The following CACNA1H variants were observed in gnomAD, a reference collection of about 807,000 sequenced individuals.
CACNA1H encodes voltage-dependent T-type calcium channel subunit alpha-1H.
A neutral mutation model predicts 192.5 loss-of-function variants in CACNA1H; 149 were observed. The ratio of observed to expected loss-of-function variants is 0.77; its 90% CI spans 0.68 to 0.89. The LOEUF (loss-of-function observed/expected upper bound fraction) is 0.89, where lower values mean the gene tolerates loss of function less well. CACNA1H is among the 40% of genes least tolerant of loss of function. CACNA1H has a pLI of 0.00. For missense variants in CACNA1H, 4,257 were observed against 3,423.5 expected, an observed-to-expected ratio of 1.24 and a Z score of -6.08; for synonymous variants, 2,202 against 1,475.2, an observed-to-expected ratio of 1.49 and a Z score of -11.29.
At chr16:1,209,662 G>C (rs8049569) in intron 17 of CACNA1H, among the ~76,000 whole-genome samples, 1 of 152,216 alleles carries the variant, frequency 6.6e-6, no homozygotes, top group Non-Finnish European at 1.5e-5. Context: ...GCATACGGGG[G>C]CTGGGCTCTG....
At chr16:1,178,234 G>A (rs948863639) in intron 2 of CACNA1H, among the ~76,000 whole-genome samples, 3 of 119,090 alleles carry the variant, frequency 2.5e-5, no homozygotes, top group Admixed American at 9.1e-5. Flanking sequence ...ATCCCCCAAC[G>A]GGCTCTCCTG....
In CACNA1H at chr16:1,220,822, C is replaced by G; in HGVS notation, c.6890C>G (p.Ser2297Ter). ...ACCCCAGAATCCAGAGCTTCCTCTT[C>G]AGGGGCCATAGTGCCCCTGGAACCC... Reference protein sequence around the residue: ...SVTPESRASSSGAIVPLEPPE... With the variant: ...SVTPESRASS The change falls in exon 35 of 35, where the codon TCA becomes TGA. Residue 2297 changes from serine (S) to a stop codon, truncating the protein, a stop_gained. Transcript: ENST00000348261. LOFTEE classifies it low-confidence loss of function (END_TRUNC). 1 of 1,612,816 alleles carries G rather than the reference C, an allele frequency of 6.2e-7. No individual in the cohort carries two copies. Among genetic ancestry groups the G allele is most frequent in the Non-Finnish European group, 8.5e-7 (1 of 1,179,804 alleles).
chr16:1,210,174 A>G, intron 18 of CACNA1H, 39 bp downstream of exon 18: 2 of 1,474,978 alleles, frequency 1.4e-6, no homozygotes, highest in Non-Finnish European at 1.8e-6. Context: ...GGCTAGTTCC[A>G]CCCCACGGGA....
chr16:1,200,532 C>T lies in CACNA1H; in HGVS notation c.1080C>T (p.Asn360=), dbSNP rs374283040. 1.7e-5 allele frequency: 28 copies of T among 1,612,342 alleles called. No individual in the cohort carries two copies. Among genetic ancestry groups the T allele is most frequent in the African/African-American group, 8.0e-5 (6 of 75,042 alleles). Residue 360 remains asparagine, a synonymous_variant, in exon 7 of 35, where the codon AAC becomes AAT. Transcript: ENST00000348261. ...GDSNPHNGAI[N]FDNIGYAWIA... ...CCAACCCCCACAACGGTGCCATCAA[C>T]TTCGACAACATCGGCTACGCCTGGA...
intron 2 of CACNA1H, among the ~76,000 whole-genome samples, chr16:1,188,615 C>G: frequency 6.6e-6 from 1 of 152,220 alleles, no homozygotes; most frequent in East Asian, 1.9e-4. Flanking sequence ...GGGCTGCCCA[C>G]GCCCGCGCCC....
chr16:1,213,041 TCC>T (rs1478027744), intron 26 of CACNA1H, among the ~76,000 whole-genome samples: 89 of 152,274 alleles, frequency 5.8e-4, no homozygotes, highest in African/African-American at 1.9e-3. Context: ...CCGCGGGAGC[TCC>T]TCCTCGTACG....
chr16:1,162,641 G>GC (rs977314485), intron 2 of CACNA1H, among the ~76,000 whole-genome samples: 6 of 122,660 alleles, frequency 4.9e-5, no homozygotes, highest in African/African-American at 1.1e-4. Context: ...ACCTGGAGTG[G>GC]GGGGGGGGGG....
chr16:1,164,338 T>C (rs1302389472), intron 2 of CACNA1H, among the ~76,000 whole-genome samples: 1 of 152,132 alleles, frequency 6.6e-6, no homozygotes, highest in Non-Finnish European at 1.5e-5. Flanking sequence ...GTACTGTTTT[T>C]TCTTTTCTTT....
intron 2 of CACNA1H, among the ~76,000 whole-genome samples, chr16:1,168,930 G>T (rs1183744683): frequency 6.6e-6 from 1 of 152,132 alleles, no homozygotes; most frequent in Non-Finnish European, 1.5e-5. Flanking sequence ...CCTCTAGGAG[G>T]TGGGCTGGGG....
At chr16:1,217,087 A>G (rs1226991284) in intron 31 of CACNA1H, 77 bp downstream of exon 31, 2 of 1,273,036 alleles carry the variant, frequency 1.6e-6, no homozygotes, top group Non-Finnish European at 2.2e-6. Flanking sequence ...ACTCACACGC[A>G]GGCACATGCT....
At chr16:1,184,398 G>A (rs751237952) in intron 2 of CACNA1H, among the ~76,000 whole-genome samples, 18 of 152,248 alleles carry the variant, frequency 1.2e-4, no homozygotes, top group East Asian at 5.8e-4. Context: ...GACTCCAGGC[G>A]GCTTGGCCTG....
Position 1,205,122 on chromosome 16 carries a change from GCTGA to G in CACNA1H, c.2463_2466del (p.Thr822MetfsTer20). On this transcript the variant is annotated frameshift_variant, in exon 11 of 35. Coordinates refer to ENST00000348261, the MANE Select transcript of CACNA1H (RefSeq NM_021098.3). LOFTEE classifies it high-confidence loss of function. ...CCCACCTCTGCCTGCAGCCCGAGGA[GCTGA>G]CTAATGCTCTGGAGATCAGCAACAT... The G allele has an allele frequency of 6.2e-7, 1 of 1,611,828 alleles. No homozygotes were observed. Among genetic ancestry groups the G allele is most frequent in the Non-Finnish European group, 8.5e-7 (1 of 1,179,652 alleles).
chr16:1,202,564 T>C, intron 9 of CACNA1H, 112 bp downstream of exon 9: 1 of 985,832 alleles, frequency 1.0e-6, no homozygotes, highest in Non-Finnish European at 1.4e-6. Context: ...GAGCCCAGCT[T>C]TGACTTGTGA....
intron 9 of CACNA1H, among the ~76,000 whole-genome samples, chr16:1,202,946 A>C (rs944755650): frequency 6.6e-6 from 1 of 151,488 alleles, no homozygotes; most frequent in Non-Finnish European, 1.5e-5. Context: ...GGGTTCTCCT[A>C]TGCGGGGCCT....
chr16:1,218,200 C>T lies in CACNA1H; in HGVS notation c.5446-10C>T, dbSNP rs1184041228. The T allele has an allele frequency of 1.9e-6, 3 of 1,546,300 alleles. No homozygotes were observed. Among genetic ancestry groups the T allele is most frequent in the African/African-American group, 2.7e-5 (2 of 73,130 alleles). Reference sequence around the variant, plus strand: ...TGTGGACCCCGGCCCACAGCTGTCCCCCACCGCAGGACACGCTGCGCGAGT... The same window carrying T: ...TGTGGACCCCGGCCCACAGCTGTCCTCCACCGCAGGACACGCTGCGCGAGT... On this transcript the variant is annotated splice_polypyrimidine_tract_variant and intron_variant, in intron 32 of 34. Coordinates refer to ENST00000348261, the MANE Select transcript of CACNA1H (RefSeq NM_021098.3).
chr16:1,220,667 A>C lies in CACNA1H; in HGVS notation c.6735A>C (p.Ala2245=). The C allele has an allele frequency of 1.2e-6, 2 of 1,607,500 alleles. No homozygotes were observed. The highest frequency in any genetic ancestry group is 1.7e-6 in the Non-Finnish European group (2 of 1,177,344). ...GCTCAGGCGCCGGGGGGGACCCTGC[A>C]GCCAAGGGGGAGCGCTGGGGCCAGG... The part of the protein sequence containing the change: ...TEGSGAGGDP[A]AKGERWGQAS... Residue 2245 remains alanine, a synonymous_variant, in exon 35 of 35, where the codon GCA becomes GCC. Transcript: ENST00000348261.
Position 1,220,097 on chromosome 16 carries a change from G to A in CACNA1H, c.6165G>A (p.Leu2055=). 3.4e-6 allele frequency: 5 copies of A among 1,477,554 alleles called. No homozygotes were observed. The South Asian group carries it at 5.9e-5, about 17-fold the overall frequency. The allele number at this position is 1,477,554 out of a possible 1,614,324, so 91.5% of individuals were successfully genotyped here. A position where few individuals can be genotyped will look rare whatever the true frequency, so the allele number is the denominator to read the frequency against. The change falls in exon 35 of 35, where the codon CTG becomes CTA. Residue 2055 remains leucine, a synonymous_variant. Transcript: ENST00000348261. ...GGCCGGTGACCCAGGGGGGCTCCCT[G>A]CAGTCCCCACCACGCTCCCCACGGC... ...PVRPVTQGGS[L]QSPPRSPRPA... is the part of the protein sequence containing the mutation.
In CACNA1H at chr16:1,176,526, T is replaced by TC. The variant is rs35907059; in HGVS notation, c.300-18440dup. Reference sequence around the variant, plus strand: ...GCTGAGGAGGCCTGGGGCCAGTACTTCCCCCCATGCTCAGAGGTGACGGGC... The same window carrying TC: ...GCTGAGGAGGCCTGGGGCCAGTACTTCCCCCCCATGCTCAGAGGTGACGGGC... On this transcript the variant is annotated intron_variant, in intron 2 of 34. Transcript: ENST00000348261. 7.2e-5 allele frequency among the ~76,000 whole-genome samples: 11 copies of TC among 152,304 alleles called. No individual in the cohort carries two copies. The South Asian group carries it at 2.3e-3, about 32-fold the overall frequency.
chr16:1,173,560 G>A (rs1468360057), intron 2 of CACNA1H, among the ~76,000 whole-genome samples: 3 of 152,220 alleles, frequency 2.0e-5, no homozygotes, highest in East Asian at 1.9e-4. Flanking sequence ...AACATAACAC[G>A]TCCTTTTATG....
Sources: allele counts gnomAD v4.1 joint callset (sites outside exome capture counted in the v4.1 genomes callset), GRCh38; gene constraint gnomAD v4.1.1; transcripts MANE v1.5; gene names NCBI Gene and HGNC (gene_info 2026-07-23, HGNC 2026-07-21).